The following KIF15 variants were observed in gnomAD, a reference collection of about 807,000 sequenced individuals.
The protein encoded by KIF15 is kinesin-like protein KIF15.
KIF15 carries 140 observed loss-of-function variants against 190.6 expected under a neutral mutation model. That is an observed-to-expected ratio of 0.73 (90% confidence interval 0.64 to 0.84). The LOEUF (loss-of-function observed/expected upper bound fraction) is 0.84. Among genes scored for constraint, KIF15 ranks in the 40% least tolerant of loss-of-function variants. The pLI is 0.00. For missense variants in KIF15, 1,372 were observed against 1,584.4 expected (o/e 0.87, Z 2.28); for synonymous variants, 528 against 551.3 (o/e 0.96, Z 0.59).
At chr3:44,787,183 G>A (rs565166318) in intron 7 of KIF15, among the ~76,000 whole-genome samples, 6 of 152,238 alleles carry the variant, frequency 3.9e-5, no homozygotes, top group African/African-American at 1.2e-4. Flanking sequence ...AGTACTATCC[G>A]ATTTACTGGT....
In KIF15 at chr3:44,802,993, T is replaced by A; in HGVS notation, c.1687+2T>A. On this transcript the variant is annotated splice_donor_variant, in intron 14 of 34. Transcript: ENST00000326047. LOFTEE classifies it high-confidence loss of function. ...GTGGCATGGAGAAAAGTGACAAAAG[T>A]AAGAAATGATTGTTGTATATACGTG... 1 of 1,590,248 alleles carries A rather than the reference T, an allele frequency of 6.3e-7. No homozygotes were observed. The highest frequency in any genetic ancestry group is 1.4e-5 in the African/African-American group (1 of 73,386).
intron 6 of KIF15, chr3:44,863,866 C>T (rs557085232): frequency 6.8e-5 from 21 of 309,368 alleles, no homozygotes; most frequent in African/African-American, 3.5e-4. Context: ...GACTGATCTT[C>T]AAGCACTGGT....
intron 33 of KIF15, 117 bp from the exon 34 acceptor site, chr3:44,852,091 G>A: frequency 6.9e-7 from 1 of 1,438,960 alleles, no homozygotes; most frequent in East Asian, 2.3e-5. Flanking sequence ...GGCCTTGAAA[G>A]CTGGGATTCT....
intron 24 of KIF15, among the ~76,000 whole-genome samples, chr3:44,828,983 G>A (rs1240303315): frequency 6.6e-6 from 1 of 151,834 alleles, no homozygotes; most frequent in African/African-American, 2.4e-5. Flanking sequence ...GTTGCAGTGA[G>A]CCAAGATCAC....
intron 32 of KIF15, among the ~76,000 whole-genome samples, chr3:44,849,029 C>G (rs17030571): frequency 0.019 from 2,834 of 152,274 alleles, 77 homozygotes; most frequent in African/African-American, 0.063. Flanking sequence ...AATGGCCTCA[C>G]TCTTTGATGA....
chr3:44,812,806 G>A (rs1707847280), intron 18 of KIF15, among the ~76,000 whole-genome samples: 1 of 152,148 alleles, frequency 6.6e-6, no homozygotes, highest in Non-Finnish European at 1.5e-5. Flanking sequence ...CCAAGGTGGC[G>A]AAACCCCGTC....
At chr3:44,829,451 G>A (rs368819207) in intron 24 of KIF15, among the ~76,000 whole-genome samples, 11 of 129,160 alleles carry the variant, frequency 8.5e-5, no homozygotes, top group East Asian at 4.2e-4. Flanking sequence ...TATTATATAC[G>A]CATATATAAT....
intron 4 of KIF15, among the ~76,000 whole-genome samples, chr3:44,779,211 G>A (rs537100190): frequency 2.0e-5 from 3 of 151,988 alleles, no homozygotes; most frequent in Admixed American, 6.5e-5. Context: ...TGTTTTTTGA[G>A]CCCCTTCTTA....
At chr3:44,815,504 A>G (rs1707992251) in intron 20 of KIF15, among the ~76,000 whole-genome samples, 1 of 152,192 alleles carries the variant, frequency 6.6e-6, no homozygotes, top group Admixed American at 6.5e-5. Context: ...TGGACCAGTC[A>G]CTTTACCAGG....
intron 20 of KIF15, among the ~76,000 whole-genome samples, chr3:44,825,558 A>C (rs1171434011): frequency 6.6e-6 from 1 of 152,230 alleles, no homozygotes; most frequent in Non-Finnish European, 1.5e-5. Flanking sequence ...ATTATCTTCC[A>C]AAAACATTTT....
intron 29 of KIF15, among the ~76,000 whole-genome samples, chr3:44,841,891 C>A (rs1448763260): frequency 6.6e-6 from 1 of 152,186 alleles, no homozygotes. Context: ...ATAACCACAT[C>A]GCTAAGCATT....
At chr3:44,816,990 G>T (rs537733476) in intron 20 of KIF15, among the ~76,000 whole-genome samples, 3 of 151,980 alleles carry the variant, frequency 2.0e-5, no homozygotes, top group Admixed American at 6.6e-5. Context: ...GATGACCAGT[G>T]ATGATGAGCA....
At chr3:44,801,705 C>G (rs748117500) in intron 12 of KIF15, 60 bp from the exon 13 acceptor site, 8 of 1,177,092 alleles carry the variant, frequency 6.8e-6, no homozygotes, top group East Asian at 4.8e-5. Context: ...GCTGGACTTA[C>G]GAAAATTTAG....
intron 20 of KIF15, among the ~76,000 whole-genome samples, chr3:44,824,158 A>G (rs185749203): frequency 1.3e-5 from 2 of 152,210 alleles, no homozygotes; most frequent in Non-Finnish European, 2.9e-5. Flanking sequence ...ATTCACATAC[A>G]TTTTTCTTAG....
chr3:44,834,252 C>T (rs1698202995), intron 26 of KIF15, among the ~76,000 whole-genome samples: 1 of 151,932 alleles, frequency 6.6e-6, no homozygotes, highest in Admixed American at 6.6e-5. Flanking sequence ...TCAAATTGTT[C>T]ATATATCAGT....
chr3:44,866,241 T>G (rs940790457), intron 6 of KIF15, among the ~76,000 whole-genome samples: 2 of 151,872 alleles, frequency 1.3e-5, no homozygotes, highest in Admixed American at 1.3e-4. Context: ...CCCAGCTAAT[T>G]TTTTTTATTT....
At position 44,852,751 on chromosome 3, in the gene KIF15, A is replaced by C; in HGVS notation, c.*16A>C. The C allele has an allele frequency of 6.3e-7, 1 of 1,581,156 alleles. No individual in the cohort carries two copies. The highest frequency in any genetic ancestry group is 1.2e-5 in the South Asian group (1 of 84,210). On this transcript the variant is annotated 3_prime_UTR_variant, in exon 35 of 35. Coordinates refer to ENST00000326047, the MANE Select transcript of KIF15 (RefSeq NM_020242.3). ...TGAATCTTGAGGATTCCGGTCAGCT[A>C]CCTAGGCATCACCTTGTTTGAAGAT...
At chr3:44,847,465 G>A (rs1178065888) in intron 30 of KIF15, among the ~76,000 whole-genome samples, 2 of 152,102 alleles carry the variant, frequency 1.3e-5, no homozygotes, top group Non-Finnish European at 2.9e-5. Context: ...TGGGACATCT[G>A]GCCCTGGTGT....
At chr3:44,811,923 T>G (rs1033877598) in intron 17 of KIF15, among the ~76,000 whole-genome samples, 1 of 152,188 alleles carries the variant, frequency 6.6e-6, no homozygotes, top group Admixed American at 6.5e-5. Flanking sequence ...GATTTTAATT[T>G]TAATCACTTC....
Sources: allele counts gnomAD v4.1 joint callset (sites outside exome capture counted in the v4.1 genomes callset), GRCh38; gene constraint gnomAD v4.1.1; transcripts MANE v1.5; gene names NCBI Gene and HGNC (gene_info 2026-07-23, HGNC 2026-07-21).